Variants in RANBP2 observed in about 807,000 individuals in gnomAD.
RANBP2 encodes E3 SUMO-protein ligase RanBP2.
In RANBP2, 57 loss-of-function variants were observed where a neutral mutation model predicts 303.6. That is an observed-to-expected ratio of 0.19 (90% confidence interval 0.15 to 0.23). RANBP2 has a LOEUF of 0.23. RANBP2 is among the 10% of genes least tolerant of loss of function. The pLI, the probability that RANBP2 is intolerant of heterozygous loss-of-function variation, is 1.00. For missense variants in RANBP2, 3,138 were observed against 3,780.8 expected, an observed-to-expected ratio of 0.83 and a Z score of 4.46; for synonymous variants, 1,167 against 1,301.5, an observed-to-expected ratio of 0.90 and a Z score of 2.23.
chr2:109,347,575 C>T, the RANBP2 span: 2 of 1,481,478 alleles, frequency 1.3e-6, no homozygotes, highest in Admixed American at 2.2e-5. Flanking sequence ...CCCCAGGACA[C>T]AGAAAGCCCC....
At position 108,767,879 on chromosome 2, in the gene RANBP2, C is replaced by T. The variant is rs200750445; in HGVS notation, c.7340C>T (p.Ser2447Phe). 1,499 of 1,610,358 alleles carry T rather than the reference C, an allele frequency of 9.3e-4. 1 individual carries two copies. The highest frequency in any genetic ancestry group is 1.2e-3 in the Non-Finnish European group (1,421 of 1,179,668). ...GCAAAAACAGCCCAGGAAAAAGATT[C>T]TTTGATAACACCTCATGTTTCTCGG... ...DEAKTAQEKD[S>F]LITPHVSRSS... The change falls in exon 20 of 29, where the codon TCT (serine) becomes TTT (phenylalanine). Residue 2447 changes from serine to phenylalanine, a missense_variant. Physicochemically the swap from Ser to Phe is radical, Grantham distance 155. Around this residue, in one of 20 missense-constraint regions of RANBP2, gnomAD observed 92 missense variants for 211.0 expected, o/e 0.44. Transcript: ENST00000283195.
At chr2:108,861,472 CTTTTTTTTTT>C in the RANBP2 span, among the ~76,000 whole-genome samples, 2 of 123,552 alleles carry the variant, frequency 1.6e-5, 1 homozygote, top group African/African-American at 7.7e-5. Context: ...AACTTTCTTC[CTTTTTTTTTT>C]TTTTTTTTTT....
At chr2:109,544,750 T>C in the RANBP2 span, 1 of 831,438 alleles carries the variant, frequency 1.2e-6, no homozygotes, top group Non-Finnish European at 1.4e-6. Context: ...AATTCAATGC[T>C]TGAATAAAAT....
the RANBP2 span, among the ~76,000 whole-genome samples, chr2:109,215,624 C>G: frequency 1.3e-5 from 2 of 152,096 alleles, no homozygotes; most frequent in African/African-American, 4.8e-5. Context: ...CTCGGTGACT[C>G]TGGATGCCAG....
At chr2:109,449,112 G>A in the RANBP2 span, 8 of 1,545,538 alleles carry the variant, frequency 5.2e-6, no homozygotes, top group South Asian at 1.2e-5. Flanking sequence ...CTGCCTGGCA[G>A]GCATGGCAAG....
chr2:109,380,595 C>T, the RANBP2 span, among the ~76,000 whole-genome samples: 114 of 152,324 alleles, frequency 7.5e-4, no homozygotes, highest in African/African-American at 2.5e-3. Flanking sequence ...TGCCAGCCTC[C>T]CTGGGAGCTT....
chr2:109,705,416 A>C, the RANBP2 span, among the ~76,000 whole-genome samples: 14 of 152,312 alleles, frequency 9.2e-5, no homozygotes, highest in East Asian at 2.5e-3. Context: ...CACACACACA[A>C]AAAACAAAAA....
chr2:109,184,332 A>G, the RANBP2 span, among the ~76,000 whole-genome samples: 1 of 152,232 alleles, frequency 6.6e-6, no homozygotes, highest in South Asian at 2.1e-4. Context: ...CATAAAAATA[A>G]GACGTTTATC....
At position 108,763,768 on chromosome 2, in the gene RANBP2, C is replaced by A. The variant is rs1290610659; in HGVS notation, c.3229C>A (p.Gln1077Lys). 6.2e-7 allele frequency: 1 copy of A among 1,614,096 alleles called. No homozygotes were observed. Among genetic ancestry groups the A allele is most frequent in the Admixed American group, 1.7e-5 (1 of 60,010 alleles). Residue 1077 changes from glutamine to lysine, a missense_variant, in exon 20 of 29, where the codon CAA becomes AAA. Around this residue, in one of 20 missense-constraint regions of RANBP2, gnomAD observed 403 missense variants for 376.7 expected, o/e 1.07. Transcript: ENST00000283195. ...LGLLTSDKPLQGDGYSGAKPI... is the reference protein window; with the variant it reads ...LGLLTSDKPLKGDGYSGAKPI... ...TCTCCTGACTTCAGATAAACCCTTG[C>A]AAGGAGATGGCTATAGTGGAGCCAA...
the RANBP2 span, among the ~76,000 whole-genome samples, chr2:109,609,740 T>C: frequency 6.6e-6 from 1 of 151,504 alleles, no homozygotes; most frequent in Admixed American, 6.6e-5. Flanking sequence ...TGAGAAGGAA[T>C]GAGAAAAAAA....
chr2:108,954,402 GC>G, the RANBP2 span, among the ~76,000 whole-genome samples: 3 of 152,140 alleles, frequency 2.0e-5, no homozygotes, highest in Non-Finnish European at 2.9e-5. Context: ...CAGCCTACCT[GC>G]CCTCTCTCGC....
At chr2:109,535,707 A>G in the RANBP2 span, among the ~76,000 whole-genome samples, 1 of 152,280 alleles carries the variant, frequency 6.6e-6, no homozygotes, top group South Asian at 2.1e-4. Context: ...GCATGAGCCC[A>G]AGAGAGAGTG....
chr2:109,249,465 T>TTC, the RANBP2 span, among the ~76,000 whole-genome samples: 1 of 125,646 alleles, frequency 8.0e-6, no homozygotes, highest in African/African-American at 3.1e-5. Flanking sequence ...CTTTCTCTCT[T>TTC]TCTCTTTCTT....
the RANBP2 span, among the ~76,000 whole-genome samples, chr2:109,334,836 A>T: frequency 6.6e-6 from 1 of 152,196 alleles, no homozygotes; most frequent in South Asian, 2.1e-4. Context: ...TGCTCCCCTC[A>T]GTAGCACTTC....
the RANBP2 span, chr2:109,585,420 A>G: frequency 9.7e-7 from 1 of 1,028,948 alleles, no homozygotes; most frequent in East Asian, 2.4e-5. Context: ...CAAATATTTC[A>G]AAGGCCAGGG....
the RANBP2 span, among the ~76,000 whole-genome samples, chr2:109,633,186 A>G: frequency 6.6e-6 from 1 of 152,174 alleles, no homozygotes; most frequent in South Asian, 2.1e-4. Context: ...TGAGGTCAGG[A>G]GTTCAAGACC....
chr2:109,244,113 C>T, the RANBP2 span, among the ~76,000 whole-genome samples: 2 of 152,164 alleles, frequency 1.3e-5, no homozygotes, highest in Admixed American at 6.6e-5. Context: ...AATAGTTTTC[C>T]TTGAACTTAC....
chr2:109,734,055 T>C, the RANBP2 span, among the ~76,000 whole-genome samples: 1 of 151,784 alleles, frequency 6.6e-6, no homozygotes, highest in African/African-American at 2.4e-5. Flanking sequence ...GTCGGGTGCC[T>C]GTAATCCCAG....
At chr2:109,582,349 A>G in the RANBP2 span, among the ~76,000 whole-genome samples, 2 of 151,950 alleles carry the variant, frequency 1.3e-5, no homozygotes, top group Non-Finnish European at 2.9e-5. Flanking sequence ...AGAAGGTATC[A>G]CTCTGTCCAC....
Sources: allele counts gnomAD v4.1 joint callset (sites outside exome capture counted in the v4.1 genomes callset), GRCh38; gene constraint gnomAD v4.1.1; regional missense constraint gnomAD v4.1.1; transcripts MANE v1.5; gene names NCBI Gene and HGNC (gene_info 2026-07-23, HGNC 2026-07-21).